The following ZC3H13 variants were observed in gnomAD, a reference collection of about 807,000 sequenced individuals.
ZC3H13 encodes the protein zinc finger CCCH-type containing 13.
Under a neutral mutation model 204.1 loss-of-function variants are expected in ZC3H13, and 64 were observed. The observed-to-expected ratio is 0.31, with a 90% CI of 0.26 to 0.39. ZC3H13 has a LOEUF of 0.39. Among genes scored for constraint, ZC3H13 ranks in the 10% least tolerant of loss-of-function variants. The pLI, the probability that ZC3H13 is intolerant of heterozygous loss-of-function variation, is 1.00. For missense variants in ZC3H13, 1,833 were observed against 2,082.7 expected, an observed-to-expected ratio of 0.88 and a Z score of 2.33; for synonymous variants, 667 against 693.7, an observed-to-expected ratio of 0.96 and a Z score of 0.60.
In ZC3H13 at chr13:46,052,530, T is replaced by C. The variant is rs773783154; in HGVS notation, c.-136A>G. Reference sequence around the variant, plus strand: ...GAGGACGACGACGAGGAGAAAGCGATGCGCGCGCGGCTCCCGGGAACCGGC... The same window carrying C: ...GAGGACGACGACGAGGAGAAAGCGACGCGCGCGCGGCTCCCGGGAACCGGC... On this transcript the variant is annotated 5_prime_UTR_variant, in exon 1 of 19. Transcript: ENST00000679008. 2.0e-5 allele frequency: 8 copies of C among 398,468 alleles called. No individual in the cohort carries two copies. Among genetic ancestry groups the C allele is most frequent in the Non-Finnish European group, 3.1e-5 (7 of 226,140 alleles). The allele number at this position is 398,468 out of a possible 1,614,324, so 24.7% of individuals were successfully genotyped here. A position where few individuals can be genotyped will look rare whatever the true frequency, so the allele number is the denominator to read the frequency against.
rs150591124 is a variant in ZC3H13, at chr13:45,969,283, G to T, written c.3261C>A (p.Ala1087=). The change falls in exon 14 of 19, where the codon GCC becomes GCA. Residue 1087 remains alanine, a synonymous_variant. Transcript: ENST00000679008. ...GAGAAGGGGTACTACCAGGAGTCGT[G>T]GCGGTGGCAGTATGCTCTGCTTCTG... ...EVTEAEHTAT[A]TTPGSTPSPL... is the part of the protein sequence containing the mutation. 1.8e-5 allele frequency: 29 copies of T among 1,613,768 alleles called. 2 individuals are homozygous for T. In the South Asian group the frequency reaches 2.0e-4, roughly 11 times the overall value.
intron 9 of ZC3H13, among the ~76,000 whole-genome samples, chr13:45,987,252 T>C (rs1046952774): frequency 6.6e-5 from 10 of 152,216 alleles, no homozygotes; most frequent in Non-Finnish European, 1.3e-4. Context: ...TAAACAGACA[T>C]CTTCCTTACA....
intron 1 of ZC3H13, among the ~76,000 whole-genome samples, chr13:46,052,170 C>CA (rs1158742175): frequency 6.6e-6 from 1 of 152,038 alleles, no homozygotes; most frequent in African/African-American, 2.4e-5. Context: ...ACGAGGGGTA[C>CA]AGCCTATTGT....
intron 10 of ZC3H13, among the ~76,000 whole-genome samples, chr13:45,980,538 A>G (rs973147265): frequency 6.6e-6 from 1 of 152,222 alleles, no homozygotes; most frequent in Non-Finnish European, 1.5e-5. Flanking sequence ...CTTTCAATGG[A>G]TGAACAGTTA....
At chr13:45,971,774 G>A (rs548513752) in intron 12 of ZC3H13, among the ~76,000 whole-genome samples, 43 of 152,206 alleles carry the variant, frequency 2.8e-4, no homozygotes, top group Non-Finnish European at 4.7e-4. Flanking sequence ...CTAGTATCCA[G>A]AATCTATAAG....
intron 17 of ZC3H13, chr13:45,962,760 T>C (rs776585812): frequency 5.1e-6 from 5 of 985,330 alleles, no homozygotes; most frequent in East Asian, 1.1e-4. Flanking sequence ...AACTTTTATG[T>C]CCAGGGACAT....
chr13:46,045,683 G>C lies in ZC3H13; in HGVS notation c.-9-167C>G, dbSNP rs545688115. Among the ~76,000 whole-genome samples, 453 of 152,068 alleles carry C rather than the reference G, an allele frequency of 3.0e-3. 2 individuals are homozygous for C. Among genetic ancestry groups the C allele is most frequent in the South Asian group, 7.9e-3 (38 of 4,814 alleles). On this transcript the variant is annotated intron_variant, in intron 1 of 18. Coordinates refer to ENST00000679008, the MANE Select transcript of ZC3H13 (RefSeq NM_001330564.2). The stretch of plus-strand genomic sequence containing the variant: ...ATAGGAGAGGTCACAGGTAAACAGA[G>C]ATAATATCTTCTAAAACATGCCTTA...
intron 2 of ZC3H13, 28 bp from the exon 3 acceptor site, chr13:46,045,092 T>C: frequency 6.4e-7 from 1 of 1,551,858 alleles, no homozygotes; most frequent in Non-Finnish European, 8.7e-7. Context: ...CTATGTAAAT[T>C]TCATATTTAT....
intron 14 of ZC3H13, 97 bp from the exon 15 acceptor site, chr13:45,968,125 T>C (rs1210385279): frequency 1.5e-6 from 2 of 1,296,272 alleles, no homozygotes; most frequent in Non-Finnish European, 2.1e-6. Context: ...AATTTACCTT[T>C]TTCCATATTC....
intron 11 of ZC3H13, among the ~76,000 whole-genome samples, chr13:45,977,208 C>A (rs1389536068): frequency 6.6e-6 from 1 of 152,120 alleles, no homozygotes; most frequent in African/African-American, 2.4e-5. Context: ...CTGTACCATA[C>A]TTTGGATTCC....
chr13:46,045,249 T>A (rs2043867769), intron 2 of ZC3H13, 142 bp downstream of exon 2: 1 of 994,440 alleles, frequency 1.0e-6, no homozygotes, highest in Admixed American at 2.3e-5. Flanking sequence ...CCTTTTCACT[T>A]CTTTTTATAA....
chr13:45,977,071 T>G (rs868806808), intron 11 of ZC3H13, among the ~76,000 whole-genome samples: 2 of 152,188 alleles, frequency 1.3e-5, no homozygotes, highest in African/African-American at 4.8e-5. Context: ...CTTCTCCCCC[T>G]TTCTATTTAA....
chr13:45,993,817 C>CT (rs2040137728), intron 8 of ZC3H13, among the ~76,000 whole-genome samples: 1 of 152,170 alleles, frequency 6.6e-6, no homozygotes, highest in African/African-American at 2.4e-5. Context: ...GGACACTTGT[C>CT]TGTGGGAATC....
intron 12 of ZC3H13, among the ~76,000 whole-genome samples, chr13:45,971,181 T>G (rs914842020): frequency 4.6e-5 from 7 of 152,228 alleles, no homozygotes; most frequent in African/African-American, 1.4e-4. Context: ...TGTTCCTTAG[T>G]TGAGCTTTAA....
At chr13:46,010,671 G>C (rs2041491052) in intron 6 of ZC3H13, among the ~76,000 whole-genome samples, 166 bp from the exon 7 acceptor site, 1 of 151,900 alleles carries the variant, frequency 6.6e-6, no homozygotes, top group Non-Finnish European at 1.5e-5. Flanking sequence ...TGAGGTGAAA[G>C]GATTGCTTGA....
At chr13:46,048,004 C>T (rs1455933799) in intron 1 of ZC3H13, among the ~76,000 whole-genome samples, 1 of 152,226 alleles carries the variant, frequency 6.6e-6, no homozygotes, top group Middle Eastern at 3.4e-3. Context: ...CTCTACTACC[C>T]CCAACATGCC....
intron 16 of ZC3H13, 79 bp from the exon 17 acceptor site, chr13:45,964,121 T>C (rs1486876906): frequency 7.4e-7 from 1 of 1,349,590 alleles, no homozygotes; most frequent in Non-Finnish European, 1.0e-6. Context: ...TTTACATAAA[T>C]CAAGGAGAAA....
chr13:45,970,231 A>C, intron 13 of ZC3H13, 131 bp downstream of exon 13: 1 of 992,142 alleles, frequency 1.0e-6, no homozygotes, highest in Non-Finnish European at 1.5e-6. Context: ...ACAAAAGGAG[A>C]TATTTAGAGG....
chr13:46,042,309 C>T (rs565793847), intron 3 of ZC3H13, 34 bp from the exon 4 acceptor site: 184 of 1,474,906 alleles, frequency 1.2e-4, no homozygotes, highest in Non-Finnish European at 1.5e-4. Flanking sequence ...AAACAAAAAA[C>T]GAAACAAAAC....
Sources: gnomAD v4.1 joint callset for allele counts (sites outside exome capture counted in the v4.1 genomes callset) on GRCh38, gnomAD v4.1.1 for gene constraint, MANE v1.5 for transcripts, NCBI Gene and HGNC (gene_info 2026-07-23, HGNC 2026-07-21) for gene names.